Variants in CNTLN observed in about 807,000 individuals in gnomAD.
The protein encoded by CNTLN is centlein, centrosomal protein.
A neutral mutation model predicts 180.0 loss-of-function variants in CNTLN; 212 were observed. The observed-to-expected ratio is 1.18, with a 90% CI of 1.05 to 1.32. The LOEUF (loss-of-function observed/expected upper bound fraction) is 1.32, where lower values mean the gene tolerates loss of function less well. CNTLN is among the 40% of genes most tolerant of loss of function. The pLI, the probability that CNTLN is intolerant of heterozygous loss-of-function variation, is 0.00. For synonymous variants in CNTLN, 722 were observed against 563.1 expected, an observed-to-expected ratio of 1.28 and a Z score of -3.99; for missense variants, 2,095 against 1,610.9, an observed-to-expected ratio of 1.30 and a Z score of -5.14.
At chr9:17,392,503 T>C (rs1826189051) in intron 14 of CNTLN, among the ~76,000 whole-genome samples, 1 of 152,208 alleles carries the variant, frequency 6.6e-6, no homozygotes, top group Non-Finnish European at 1.5e-5. Flanking sequence ...TTTGTCATAT[T>C]AATCAGCTCC....
intron 21 of CNTLN, among the ~76,000 whole-genome samples, chr9:17,465,429 C>T (rs1362724793): frequency 1.3e-5 from 2 of 150,486 alleles, no homozygotes; most frequent in Non-Finnish European, 1.5e-5. Flanking sequence ...TAATTTCATA[C>T]ATAGCCTTGG....
intron 2 of CNTLN, among the ~76,000 whole-genome samples, chr9:17,153,218 GC>G (rs1345522572): frequency 6.6e-6 from 1 of 152,100 alleles, no homozygotes; most frequent in Non-Finnish European, 1.5e-5. Flanking sequence ...TGGTTGTTTT[GC>G]CCATTAGTTA....
chr9:17,487,758 T>A (rs1258668851), intron 25 of CNTLN, among the ~76,000 whole-genome samples: 1 of 151,954 alleles, frequency 6.6e-6, no homozygotes, highest in Non-Finnish European at 1.5e-5. Context: ...TGTGTGATAC[T>A]TTTTCTTCCC....
chr9:17,321,408 T>G (rs2133041188), intron 8 of CNTLN, among the ~76,000 whole-genome samples: 1 of 152,246 alleles, frequency 6.6e-6, no homozygotes, highest in Non-Finnish European at 1.5e-5. Context: ...GCAAGGAGAG[T>G]TGATGCCTTA....
chr9:17,217,288 G>A (rs946785604), intron 2 of CNTLN, among the ~76,000 whole-genome samples: 2 of 152,296 alleles, frequency 1.3e-5, no homozygotes, highest in South Asian at 4.2e-4. Flanking sequence ...TTTATTTGTT[G>A]AGAGTTTATT....
intron 2 of CNTLN, among the ~76,000 whole-genome samples, chr9:17,172,775 G>A (rs1211098067): frequency 6.6e-6 from 1 of 152,092 alleles, no homozygotes; most frequent in African/African-American, 2.4e-5. Flanking sequence ...AGGTTTCAGT[G>A]CACTTTATTG....
At chr9:17,173,317 A>G (rs981602397) in intron 2 of CNTLN, among the ~76,000 whole-genome samples, 1 of 152,224 alleles carries the variant, frequency 6.6e-6, no homozygotes, top group Non-Finnish European at 1.5e-5. Context: ...CACCAGTGTT[A>G]TGAAGACAGA....
intron 7 of CNTLN, 100 bp downstream of exon 7, chr9:17,298,452 C>T: frequency 7.4e-7 from 1 of 1,352,496 alleles, no homozygotes; most frequent in South Asian, 2.1e-5. Flanking sequence ...TTAATTTTTA[C>T]TTCCTTTTAC....
At chr9:17,404,738 A>ATTT (rs36050481) in intron 15 of CNTLN, among the ~76,000 whole-genome samples, 45 of 135,432 alleles carry the variant, frequency 3.3e-4, no homozygotes, top group East Asian at 8.7e-4. Flanking sequence ...TCTGAAACAA[A>ATTT]TTTTTTTTTT....
At chr9:17,433,577 C>T (rs993422900) in intron 18 of CNTLN, among the ~76,000 whole-genome samples, 6 of 151,902 alleles carry the variant, frequency 3.9e-5, no homozygotes, top group Admixed American at 2.0e-4. Flanking sequence ...TGAGCCACCG[C>T]GCCCAGCCCT....
intron 5 of CNTLN, among the ~76,000 whole-genome samples, chr9:17,269,713 G>A (rs1827794648): frequency 6.6e-6 from 1 of 152,068 alleles, no homozygotes; most frequent in Non-Finnish European, 1.5e-5. Flanking sequence ...GTGCCATTAA[G>A]ATGAATGTAT....
intron 8 of CNTLN, among the ~76,000 whole-genome samples, chr9:17,324,160 G>C (rs17829280): frequency 0.24 from 36,337 of 152,054 alleles, 4,522 homozygotes; most frequent in South Asian, 0.37. Flanking sequence ...GGTGACATAA[G>C]TGTTTATAAA....
At chr9:17,437,432 G>T (rs994038866) in intron 18 of CNTLN, among the ~76,000 whole-genome samples, 1 of 152,076 alleles carries the variant, frequency 6.6e-6, no homozygotes, top group Non-Finnish European at 1.5e-5. Context: ...AAATAAAGCA[G>T]TGTTATAATA....
intron 25 of CNTLN, among the ~76,000 whole-genome samples, chr9:17,493,716 A>T (rs867253557): frequency 6.6e-6 from 1 of 152,244 alleles, no homozygotes; most frequent in Non-Finnish European, 1.5e-5. Context: ...CTCCATACTT[A>T]AAATGTTTGC....
intron 15 of CNTLN, among the ~76,000 whole-genome samples, chr9:17,408,876 G>T (rs1827620534): frequency 6.6e-6 from 1 of 152,064 alleles, no homozygotes; most frequent in African/African-American, 2.4e-5. Flanking sequence ...AGCCATAAGG[G>T]ATGGAACTAG....
chr9:17,207,410 A>C (rs1255416001), intron 2 of CNTLN, among the ~76,000 whole-genome samples: 1 of 151,284 alleles, frequency 6.6e-6, no homozygotes, highest in Non-Finnish European at 1.5e-5. Context: ...TATGAAAAAA[A>C]CTCCTGCAGC....
intron 2 of CNTLN, among the ~76,000 whole-genome samples, chr9:17,213,300 C>A (rs939253541): frequency 1.3e-5 from 2 of 152,176 alleles, no homozygotes; most frequent in African/African-American, 2.4e-5. Flanking sequence ...TTTCTGCTTT[C>A]ATTTCATTAT....
At chr9:17,365,461 A>C (rs1823737509) in intron 12 of CNTLN, among the ~76,000 whole-genome samples, 1 of 152,126 alleles carries the variant, frequency 6.6e-6, no homozygotes, top group African/African-American at 2.4e-5. Flanking sequence ...AGACTAATAC[A>C]CCATCCCTAC....
chr9:17,264,873 T>C (rs1018497764), intron 5 of CNTLN, among the ~76,000 whole-genome samples: 2 of 151,444 alleles, frequency 1.3e-5, no homozygotes, highest in African/African-American at 4.9e-5. Context: ...ATGCTTGTGA[T>C]TTTTGTACAT....
Sources: allele counts gnomAD v4.1 joint callset (sites outside exome capture counted in the v4.1 genomes callset), GRCh38; gene constraint gnomAD v4.1.1; transcripts MANE v1.5; gene names NCBI Gene and HGNC (gene_info 2026-07-23, HGNC 2026-07-21).